The following CNKSR3 variants were observed in gnomAD, a reference collection of about 807,000 sequenced individuals.
CNKSR3 encodes connector enhancer of kinase suppressor of ras 3.
CNKSR3 carries 36 observed loss-of-function variants against 67.7 expected under a neutral mutation model. That is an observed-to-expected ratio of 0.53 (90% CI 0.41 to 0.70). The LOEUF (loss-of-function observed/expected upper bound fraction) is 0.70, where lower values mean the gene tolerates loss of function less well. Among genes scored for constraint, CNKSR3 ranks in the 30% least tolerant of loss-of-function variants. The pLI, the probability that CNKSR3 is intolerant of heterozygous loss-of-function variation, is 0.00. For missense variants in CNKSR3, 630 were observed against 695.2 expected, an observed-to-expected ratio of 0.91 and a Z score of 1.05; for synonymous variants, 281 against 271.4, an observed-to-expected ratio of 1.04 and a Z score of -0.35.
rs767304472 is a variant in CNKSR3 at position 154,450,068 on chromosome 6, G to A, written c.216+27C>T. 5.6e-6 allele frequency: 9 copies of A among 1,609,424 alleles called. No homozygotes were observed. The South Asian group carries it at 9.9e-5, about 18-fold the overall frequency. On this transcript the variant is annotated intron_variant, in intron 2 of 12. Coordinates refer to ENST00000607772, the MANE Select transcript of CNKSR3 (RefSeq NM_173515.4). ...CAAGGCTCTAAAGAACGTCATCACG[G>A]TACAGACCGTCTTTTCCTGAACTAA...
At position 154,510,667 on chromosome 6, in the gene CNKSR3, C is replaced by G. The variant is rs909394752; in HGVS notation, c.-553G>C. On this transcript the variant is annotated 5_prime_UTR_variant, in exon 1 of 13. Coordinates refer to ENST00000607772, the MANE Select transcript of CNKSR3 (RefSeq NM_173515.4). The stretch of plus-strand genomic sequence containing the variant: ...CGCTCGGGTTGCAAAGTTTCAGCTC[C>G]GGTTGCTGCAAACCGAATAAAAGAG... The G allele has an allele frequency of 1.3e-5, 2 of 156,226 alleles. No individual in the cohort carries two copies. The highest frequency in any genetic ancestry group is 4.8e-5 in the African/African-American group (2 of 41,456). The allele number at this position is 156,226 out of a possible 1,614,324, so 9.7% of individuals were successfully genotyped here.
intron 1 of CNKSR3, among the ~76,000 whole-genome samples, chr6:154,452,972 G>A (rs1399719722): frequency 6.6e-6 from 1 of 152,176 alleles, no homozygotes; most frequent in African/African-American, 2.4e-5. Context: ...TGTTATGGCA[G>A]CCGAAGCAAC....
chr6:154,436,563 G>A (rs1025137577), intron 4 of CNKSR3, among the ~76,000 whole-genome samples: 2 of 152,020 alleles, frequency 1.3e-5, no homozygotes, highest in Non-Finnish European at 2.9e-5. Flanking sequence ...ATGTTGCCCA[G>A]GCTGGTCTCA....
At chr6:154,422,239 G>A (rs183312686) in intron 9 of CNKSR3, among the ~76,000 whole-genome samples, 7 of 152,232 alleles carry the variant, frequency 4.6e-5, no homozygotes, top group Admixed American at 3.3e-4. Flanking sequence ...TGATCCGCCC[G>A]CCTCAGCCTC....
intron 9 of CNKSR3, 73 bp from the exon 10 acceptor site, chr6:154,414,496 C>T (rs1784978421): frequency 9.9e-6 from 15 of 1,508,784 alleles, no homozygotes; most frequent in Middle Eastern, 1.8e-4. Flanking sequence ...TTTATTTCCC[C>T]TCCCCCAAAC....
Position 154,410,421 on chromosome 6 carries a change from G to A in CNKSR3, c.1291C>T (p.Pro431Ser), listed in dbSNP as rs1159098274. The A allele has an allele frequency of 6.2e-7, 1 of 1,613,430 alleles. No individual in the cohort carries two copies. Among genetic ancestry groups the A allele is most frequent in the Non-Finnish European group, 8.5e-7 (1 of 1,179,506 alleles). The part of the protein sequence containing the change: ...EKTPSYGKPR[P>S]LSMPADGNWM... The stretch of plus-strand genomic sequence containing the variant: ...TTCCCATCAGCAGGCATGGACAAAG[G>A]CCGTGGCTTGCCTTCAGAGGGACGA... The change falls in exon 12 of 13, where the codon CCT (proline) becomes TCT (serine). Residue 431 changes from proline to serine, a missense_variant. Pro to Ser is a moderately conservative substitution (Grantham distance 74). This residue lies in a region of CNKSR3 where 308 missense variants were observed against 299.6 expected (regional missense o/e 1.03). Coordinates refer to ENST00000607772, the MANE Select transcript of CNKSR3 (RefSeq NM_173515.4).
At chr6:154,431,300 C>T (rs558405683) in intron 5 of CNKSR3, among the ~76,000 whole-genome samples, 5 of 152,020 alleles carry the variant, frequency 3.3e-5, no homozygotes, top group Admixed American at 2.0e-4. Flanking sequence ...AAAAATTAGA[C>T]GGGCATGGTG....
chr6:154,408,929 C>A (rs1274537494), intron 12 of CNKSR3, among the ~76,000 whole-genome samples: 6 of 151,800 alleles, frequency 4.0e-5, no homozygotes, highest in Non-Finnish European at 8.8e-5. Context: ...ATAACCCTGA[C>A]ACTTCATCTC....
chr6:154,406,868 G>T (rs558514039), intron 12 of CNKSR3, among the ~76,000 whole-genome samples: 1 of 151,654 alleles, frequency 6.6e-6, no homozygotes, highest in African/African-American at 2.4e-5. Flanking sequence ...TCAGAGAAAC[G>T]TTTGAACCCG....
chr6:154,436,322 C>T (rs920775950), intron 4 of CNKSR3, among the ~76,000 whole-genome samples: 7 of 152,190 alleles, frequency 4.6e-5, no homozygotes, highest in African/African-American at 1.7e-4. Flanking sequence ...CAGGCACACA[C>T]CACCACGCTT....
chr6:154,442,020 T>C (rs1785602212), intron 3 of CNKSR3, 68 bp downstream of exon 3: 5 of 1,406,798 alleles, frequency 3.6e-6, no homozygotes, highest in East Asian at 2.3e-5. Flanking sequence ...TAAGACAAAG[T>C]ACAGCTTCCA....
chr6:154,441,227 CA>C, intron 4 of CNKSR3, 64 bp downstream of exon 4: 1 of 1,135,014 alleles, frequency 8.8e-7, no homozygotes, highest in South Asian at 1.4e-5. Context: ...AAAATCCTTT[CA>C]AGAAGAGGAA....
intron 1 of CNKSR3, among the ~76,000 whole-genome samples, chr6:154,455,553 C>A (rs1256703520): frequency 6.6e-6 from 1 of 151,708 alleles, no homozygotes; most frequent in Non-Finnish European, 1.5e-5. Flanking sequence ...TCCCAAGTAG[C>A]TGGGATTATA....
At chr6:154,450,336 A>G in intron 1 of CNKSR3, 78 bp from the exon 2 acceptor site, 1 of 1,406,194 alleles carries the variant, frequency 7.1e-7, no homozygotes, top group Non-Finnish European at 9.9e-7. Context: ...CACATGTCAC[A>G]TCAATCTCAG....
chr6:154,405,378 A>T lies in CNKSR3; in HGVS notation c.*976T>A, dbSNP rs1784766463. 6.5e-6 allele frequency: 1 copy of T among 152,784 alleles called. No individual in the cohort carries two copies. Among genetic ancestry groups the T allele is most frequent in the African/African-American group, 2.4e-5 (1 of 41,590 alleles). 9.5% of individuals were successfully genotyped at this position (152,784 alleles called of 1,614,324 possible). ...TACTTTTCCATTCTAACAAAATATC[A>T]TACATTCAGTTTAAACAAGAGTTAA... On this transcript the variant is annotated 3_prime_UTR_variant, in exon 13 of 13. Transcript: ENST00000607772.
In CNKSR3 at chr6:154,395,637, A is replaced by G. The variant is rs1029189020; in HGVS notation, c.*10717T>C. The G allele has an allele frequency of 1.2e-4, 18 of 152,328 alleles. 3 individuals carry two copies. Among genetic ancestry groups the G allele is most frequent in the Admixed American group, 3.9e-4 (6 of 15,302 alleles). The allele number at this position is 152,328 out of a possible 1,614,324, so 9.4% of individuals were successfully genotyped here. A position where few individuals can be genotyped will look rare whatever the true frequency, so the allele number is the denominator to read the frequency against. ...TATTAATGCAGTTTGTTGTCTCCAAAAGAGCAGCAACAATATTCTCAGTGG... is the reference window on the plus strand; with the variant it reads ...TATTAATGCAGTTTGTTGTCTCCAAGAGAGCAGCAACAATATTCTCAGTGG... On this transcript the variant is annotated 3_prime_UTR_variant, in exon 13 of 13. Coordinates refer to ENST00000607772, the MANE Select transcript of CNKSR3 (RefSeq NM_173515.4).
chr6:154,411,308 T>C (rs765251994), intron 10 of CNKSR3, among the ~76,000 whole-genome samples, 166 bp from the exon 11 acceptor site: 1 of 152,112 alleles, frequency 6.6e-6, no homozygotes, highest in Non-Finnish European at 1.5e-5. Context: ...CTCAAATACA[T>C]ACAGATCCTA....
chr6:154,433,621 C>T, intron 4 of CNKSR3, 114 bp from the exon 5 acceptor site: 3 of 751,126 alleles, frequency 4.0e-6, no homozygotes, highest in Middle Eastern at 2.3e-4. Flanking sequence ...CTGACACACC[C>T]GTCAGCCTGC....
chr6:154,494,167 A>C (rs1255682213), intron 1 of CNKSR3, among the ~76,000 whole-genome samples: 1 of 152,198 alleles, frequency 6.6e-6, no homozygotes. Context: ...ATGGCTGGGG[A>C]GGCCTCAGGA....
Sources: allele counts gnomAD v4.1 joint callset (sites outside exome capture counted in the v4.1 genomes callset), GRCh38; gene constraint gnomAD v4.1.1; regional missense constraint gnomAD v4.1.1; transcripts MANE v1.5; gene names NCBI Gene and HGNC (gene_info 2026-07-23, HGNC 2026-07-21).